ZFHX3: variants seen among roughly 807,000 people sequenced by gnomAD.
ZFHX3 encodes zinc finger homeobox protein 3.
In ZFHX3, 42 loss-of-function variants were observed where a neutral mutation model predicts 279.1. The observed-to-expected ratio is 0.15, with a 90% CI of 0.12 to 0.19. The LOEUF (loss-of-function observed/expected upper bound fraction) is 0.19. Ranked by LOEUF, ZFHX3 falls within the 10% of genes least tolerant of loss-of-function variation. The pLI is 1.00. For missense variants in ZFHX3, 4,981 were observed against 4,754.0 expected (o/e 1.05, Z -1.40); for synonymous variants, 2,293 against 1,957.8 (o/e 1.17, Z -4.52).
At chr16:73,604,257 C>A (rs1431782942) in intron 2 of ZFHX3, among the ~76,000 whole-genome samples, 1 of 151,358 alleles carries the variant, frequency 6.6e-6, no homozygotes, top group African/African-American at 2.4e-5. Context: ...TTTTTTTTCC[C>A]CCATTTTTTC....
chr16:73,122,272 C>G (rs914634366), intron 7 of ZFHX3, among the ~76,000 whole-genome samples: 13 of 151,910 alleles, frequency 8.6e-5, no homozygotes, highest in Non-Finnish European at 1.5e-4. Flanking sequence ...GTGACGCAAT[C>G]TCGGCTCACT....
intron 2 of ZFHX3, among the ~76,000 whole-genome samples, chr16:73,614,826 C>T (rs925576763): frequency 2.0e-5 from 3 of 152,084 alleles, no homozygotes; most frequent in Non-Finnish European, 4.4e-5. Context: ...ATGGCATGAT[C>T]ATAGCTTACC....
chr16:72,851,207 C>G (rs1038746524), intron 4 of ZFHX3, among the ~76,000 whole-genome samples: 1 of 152,252 alleles, frequency 6.6e-6, no homozygotes, highest in African/African-American at 2.4e-5. Flanking sequence ...AGATGTTACA[C>G]TCTCAGGGTG....
intron 1 of ZFHX3, among the ~76,000 whole-genome samples, chr16:73,742,521 T>C (rs926993885): frequency 6.6e-6 from 1 of 152,184 alleles, no homozygotes; most frequent in Non-Finnish European, 1.5e-5. Context: ...TATTCCAAAT[T>C]GCATCATTTT....
intron 1 of ZFHX3, among the ~76,000 whole-genome samples, chr16:73,034,937 C>T (rs1019370013): frequency 2.0e-5 from 3 of 152,186 alleles, no homozygotes; most frequent in Non-Finnish European, 4.4e-5. Flanking sequence ...GCACCCATTC[C>T]CCAGTAAATG....
chr16:72,833,438 TG>T (rs1181272329), intron 4 of ZFHX3, among the ~76,000 whole-genome samples: 2 of 152,176 alleles, frequency 1.3e-5, no homozygotes, highest in African/African-American at 2.4e-5. Flanking sequence ...TATTAGCTAC[TG>T]ACAGATGGTG....
intron 4 of ZFHX3, among the ~76,000 whole-genome samples, chr16:72,873,112 C>A (rs1264525178): frequency 6.6e-6 from 1 of 152,246 alleles, no homozygotes; most frequent in Non-Finnish European, 1.5e-5. Flanking sequence ...CTGCTACTCA[C>A]TACGGATCAT....
At chr16:73,674,473 G>A (rs963771777) in intron 2 of ZFHX3, among the ~76,000 whole-genome samples, 2 of 152,236 alleles carry the variant, frequency 1.3e-5, no homozygotes, top group African/African-American at 4.8e-5. Flanking sequence ...AATTGGCCAA[G>A]AGGGCAACAC....
chr16:73,308,162 A>G (rs2015226060), intron 4 of ZFHX3, among the ~76,000 whole-genome samples: 1 of 148,664 alleles, frequency 6.7e-6, no homozygotes, highest in African/African-American at 2.5e-5. Flanking sequence ...ATATTTTGAG[A>G]TTTAGGTTTG....
intron 1 of ZFHX3, among the ~76,000 whole-genome samples, chr16:73,788,333 G>T (rs1319400590): frequency 6.6e-6 from 1 of 152,204 alleles, no homozygotes; most frequent in Non-Finnish European, 1.5e-5. Flanking sequence ...GTCATCCCCT[G>T]GGCTTGGAGA....
chr16:73,774,424 T>C (rs1269212701), intron 1 of ZFHX3, among the ~76,000 whole-genome samples: 1 of 152,062 alleles, frequency 6.6e-6, no homozygotes, highest in Non-Finnish European at 1.5e-5. Flanking sequence ...ACCATACCCA[T>C]GACACACCAG....
chr16:72,845,641 C>T (rs1210124121), intron 4 of ZFHX3, among the ~76,000 whole-genome samples: 1 of 152,198 alleles, frequency 6.6e-6, no homozygotes, highest in African/African-American at 2.4e-5. Context: ...AATGTTCTGA[C>T]CGCAAAGCAT....
chr16:73,615,351 G>C (rs1259957935), intron 2 of ZFHX3, among the ~76,000 whole-genome samples: 1 of 152,106 alleles, frequency 6.6e-6, no homozygotes, highest in Admixed American at 6.5e-5. Context: ...GCTCTCAGGA[G>C]GTAAGACAAG....
In ZFHX3 at chr16:72,795,056, A is replaced by C. The variant is rs1274264776; in HGVS notation, c.7626T>G (p.Phe2542Leu). 1 of 1,614,208 alleles carries C rather than the reference A, an allele frequency of 6.2e-7. No individual in the cohort carries two copies. The highest frequency in any genetic ancestry group is 8.5e-7 in the Non-Finnish European group (1 of 1,180,040). ...CDQCKLAFPS[F>L]EHWQEHQQLH... is the part of the protein sequence containing the mutation. The stretch of plus-strand genomic sequence containing the variant: ...GCTGCTGATGCTCCTGCCAGTGCTC[A>C]AATGACGGAAATGCCAACTTACACT... The change falls in exon 9 of 10, where the codon TTT (phenylalanine) becomes TTG (leucine). Residue 2542 changes from phenylalanine (F) to leucine (L), a missense_variant. Coordinates refer to ENST00000268489, the MANE Select transcript of ZFHX3 (RefSeq NM_006885.4).
At chr16:72,991,721 C>A (rs559172333) in intron 1 of ZFHX3, among the ~76,000 whole-genome samples, 1 of 152,290 alleles carries the variant, frequency 6.6e-6, no homozygotes, top group East Asian at 1.9e-4. Flanking sequence ...GAGACTTGTC[C>A]ATGGTCACAC....
At chr16:73,325,095 G>C (rs2015654888) in intron 3 of ZFHX3, among the ~76,000 whole-genome samples, 1 of 152,202 alleles carries the variant, frequency 6.6e-6, no homozygotes, top group African/African-American at 2.4e-5. Context: ...CTGCGAAGTA[G>C]AGAATGGATG....
At chr16:73,332,286 C>A (rs148232397) in intron 3 of ZFHX3, among the ~76,000 whole-genome samples, 6 of 152,246 alleles carry the variant, frequency 3.9e-5, no homozygotes, top group African/African-American at 1.4e-4. Context: ...ATTTATATAA[C>A]GAAGCTCTAT....
intron 2 of ZFHX3, among the ~76,000 whole-genome samples, chr16:73,544,518 C>T (rs548356972): frequency 1.3e-5 from 2 of 152,242 alleles, no homozygotes; most frequent in Admixed American, 1.3e-4. Flanking sequence ...ACGGGTTTGG[C>T]CGCTGTCTGC....
chr16:73,737,692 A>C (rs2053621137), intron 1 of ZFHX3, among the ~76,000 whole-genome samples: 2 of 152,066 alleles, frequency 1.3e-5, no homozygotes, highest in Non-Finnish European at 2.9e-5. Flanking sequence ...GAAAAAAAAA[A>C]AATCCCACAA....
Sources: allele counts gnomAD v4.1 joint callset (sites outside exome capture counted in the v4.1 genomes callset), GRCh38; gene constraint gnomAD v4.1.1; transcripts MANE v1.5; gene names NCBI Gene and HGNC (gene_info 2026-07-23, HGNC 2026-07-21).